Variants in ERBIN observed in about 807,000 individuals in gnomAD.
ERBIN encodes the protein densin-180-like protein.
ERBIN carries 60 observed loss-of-function variants against 158.4 expected under a neutral mutation model. The observed-to-expected ratio is 0.38, with a 90% confidence interval of 0.31 to 0.47. The LOEUF (loss-of-function observed/expected upper bound fraction) is 0.47, where lower values mean the gene tolerates loss of function less well. ERBIN is among the 20% of genes least tolerant of loss of function. The pLI is 0.99. For synonymous variants in ERBIN, 594 were observed against 557.2 expected, an observed-to-expected ratio of 1.07 and a Z score of -0.93; for missense variants, 1,610 against 1,648.0, an observed-to-expected ratio of 0.98 and a Z score of 0.40.
chr5:65,982,680 A>ACTG (rs4019045), intron 1 of ERBIN, among the ~76,000 whole-genome samples: 1 of 151,600 alleles, frequency 6.6e-6, no homozygotes, highest in Non-Finnish European at 1.5e-5. Context: ...AAATTAAGAA[A>ACTG]ACAGTACCAA....
At position 65,945,981 on chromosome 5, in the gene ERBIN, ATTTTTAT is replaced by A. The variant is rs1448012413; in HGVS notation, c.-58+19187_-58+19193del. ...TCATCCCAAGGATCACCTGTTTTTT[ATTTTTAT>A]TTTTTATTTTTATTGCTATCACAGC... On this transcript the variant is annotated intron_variant, in intron 1 of 25. Coordinates refer to ENST00000284037, the MANE Select transcript of ERBIN (RefSeq NM_001253697.2). Among the ~76,000 whole-genome samples the A allele has an allele frequency of 3.3e-5, 5 of 152,124 alleles. No individual in the cohort carries two copies. In the East Asian group the frequency reaches 9.7e-4, roughly 29 times the overall value.
At chr5:65,939,816 C>T (rs541185711) in intron 1 of ERBIN, among the ~76,000 whole-genome samples, 5 of 152,348 alleles carry the variant, frequency 3.3e-5, no homozygotes, top group East Asian at 1.9e-4. Context: ...CCCGAGGTGC[C>T]GGGATTGCAG....
intron 1 of ERBIN, among the ~76,000 whole-genome samples, chr5:65,969,354 A>T (rs1033893733): frequency 7.2e-5 from 11 of 152,204 alleles, no homozygotes; most frequent in African/African-American, 2.7e-4. Flanking sequence ...TTGCTGATTC[A>T]GTTACTTTTG....
rs967662195 is a variant in ERBIN, at chr5:66,078,711, A to T, written c.*181A>T. 5.4e-5 allele frequency: 31 copies of T among 572,682 alleles called. No homozygotes were observed. Among genetic ancestry groups the T allele is most frequent in the Admixed American group, 2.4e-4 (7 of 28,718 alleles). 35.5% of individuals were successfully genotyped at this position (572,682 alleles called of 1,614,324 possible). A position where few individuals can be genotyped will look rare whatever the true frequency, so the allele number is the denominator to read the frequency against. ...GGGAAAGAACCACTGTACAGAATAT[A>T]AAGGAGACTGTTGAATTCATACCAT... On this transcript the variant is annotated 3_prime_UTR_variant, in exon 26 of 26. Coordinates refer to ENST00000284037, the MANE Select transcript of ERBIN (RefSeq NM_001253697.2).
At chr5:65,991,560 A>G (rs771117197) in intron 2 of ERBIN, among the ~76,000 whole-genome samples, 2 of 152,132 alleles carry the variant, frequency 1.3e-5, no homozygotes, top group Non-Finnish European at 2.9e-5. Flanking sequence ...GTTTAATTTT[A>G]TCTTAGAGTA....
chr5:65,992,673 T>C (rs759823573), intron 2 of ERBIN, 37 bp from the exon 3 acceptor site: 3 of 1,447,476 alleles, frequency 2.1e-6, no homozygotes, highest in Non-Finnish European at 2.8e-6. Context: ...CGTTGTAATA[T>C]GTATGTTTTA....
chr5:66,024,798 A>C (rs1489914342), intron 10 of ERBIN, among the ~76,000 whole-genome samples: 1 of 152,130 alleles, frequency 6.6e-6, no homozygotes, highest in East Asian at 1.9e-4. Context: ...AAGAAAACAG[A>C]TCAGTTGAAC....
chr5:65,948,795 C>T (rs1026755080), intron 1 of ERBIN, among the ~76,000 whole-genome samples: 3 of 131,038 alleles, frequency 2.3e-5, no homozygotes, highest in Non-Finnish European at 4.7e-5. Context: ...ACAGAGTCTC[C>T]CTCTGTCACT....
chr5:65,977,032 T>C (rs1218387070), intron 1 of ERBIN, among the ~76,000 whole-genome samples: 3 of 152,166 alleles, frequency 2.0e-5, no homozygotes, highest in Non-Finnish European at 4.4e-5. Context: ...AGCTGTTGGG[T>C]ACACCTCGCA....
intron 14 of ERBIN, among the ~76,000 whole-genome samples, chr5:66,031,444 A>G (rs1756865714): frequency 1.3e-5 from 2 of 152,366 alleles, no homozygotes; most frequent in Non-Finnish European, 2.9e-5. Context: ...TAATAGGACT[A>G]AGCTTTAGGA....
chr5:66,019,786 T>G (rs1022161670), intron 7 of ERBIN, among the ~76,000 whole-genome samples: 1 of 152,180 alleles, frequency 6.6e-6, no homozygotes, highest in Non-Finnish European at 1.5e-5. Context: ...AAAACTGTTA[T>G]GCCATTGACA....
intron 22 of ERBIN, among the ~76,000 whole-genome samples, chr5:66,074,773 A>T (rs1761837461): frequency 6.6e-6 from 1 of 152,218 alleles, no homozygotes; most frequent in Admixed American, 6.5e-5. Flanking sequence ...TGTAGATATG[A>T]TGTACTTCCA....
At position 66,080,336 on chromosome 5, in the gene ERBIN, AC is replaced by A. The variant is rs1762330059; in HGVS notation, c.*1809del. 6.6e-6 allele frequency: 1 copy of A among 152,440 alleles called. No homozygotes were observed. The highest frequency in any genetic ancestry group is 6.6e-5 in the Admixed American group (1 of 15,262). The allele number at this position is 152,440 out of a possible 1,614,324, so 9.4% of individuals were successfully genotyped here. The stretch of plus-strand genomic sequence containing the variant: ...TATAGTTTTAATAATTTTGATTGAA[AC>A]CCTTTAACAACTCTTTGTAAATTTT... On this transcript the variant is annotated 3_prime_UTR_variant, in exon 26 of 26. Coordinates refer to ENST00000284037, the MANE Select transcript of ERBIN (RefSeq NM_001253697.2).
At chr5:66,069,095 C>G in intron 21 of ERBIN, 2 of 1,330,820 alleles carry the variant, frequency 1.5e-6, no homozygotes, top group Non-Finnish European at 2.0e-6. Context: ...TTTAATGTTT[C>G]CAGGAAAAAA....
At chr5:65,958,108 C>G (rs1255344393) in intron 1 of ERBIN, among the ~76,000 whole-genome samples, 2 of 150,618 alleles carry the variant, frequency 1.3e-5, no homozygotes, top group Admixed American at 6.6e-5. Context: ...GGATGGCGGC[C>G]GGGAAGAGGC....
intron 19 of ERBIN, among the ~76,000 whole-genome samples, chr5:66,049,043 A>T (rs894293103): frequency 3.9e-5 from 6 of 152,136 alleles, no homozygotes; most frequent in African/African-American, 1.4e-4. Flanking sequence ...CATTTCTGCC[A>T]CTTATCTGCT....
chr5:66,013,302 T>C (rs1007240808), intron 5 of ERBIN, among the ~76,000 whole-genome samples: 1 of 152,226 alleles, frequency 6.6e-6, no homozygotes, highest in East Asian at 1.9e-4. Context: ...TTGACTGTTT[T>C]GTTCATATTT....
intron 1 of ERBIN, among the ~76,000 whole-genome samples, chr5:65,983,686 A>G (rs1194972571): frequency 1.3e-5 from 2 of 152,242 alleles, no homozygotes; most frequent in African/African-American, 4.8e-5. Context: ...ATTGCACCAC[A>G]TAAGATTGCT....
At chr5:66,049,749 A>G (rs1440912024) in intron 19 of ERBIN, among the ~76,000 whole-genome samples, 3 of 152,084 alleles carry the variant, frequency 2.0e-5, no homozygotes, top group Non-Finnish European at 4.4e-5. Flanking sequence ...ATATGTCTAT[A>G]TACACTATTT....
Sources: gnomAD v4.1 joint callset for allele counts (sites outside exome capture counted in the v4.1 genomes callset) on GRCh38, gnomAD v4.1.1 for gene constraint, MANE v1.5 for transcripts, NCBI Gene and HGNC (gene_info 2026-07-23, HGNC 2026-07-21) for gene names.